The following SH3BP4 variants were observed in gnomAD, a reference collection of about 807,000 sequenced individuals.
The protein encoded by SH3BP4 is SH3 domain-binding protein 4.
SH3BP4 carries 33 observed loss-of-function variants against 65.5 expected under a neutral mutation model. The ratio of observed to expected loss-of-function variants is 0.50; its 90% confidence interval spans 0.38 to 0.67. The LOEUF is 0.67. SH3BP4 is among the 30% of genes least tolerant of loss of function. SH3BP4 has a pLI of 0.00. For synonymous variants in SH3BP4, 552 were observed against 545.5 expected, an observed-to-expected ratio of 1.01 and a Z score of -0.17; for missense variants, 1,134 against 1,261.4, an observed-to-expected ratio of 0.90 and a Z score of 1.53.
Position 234,977,477 on chromosome 2 carries a change from G to A in SH3BP4, c.-206-17826G>A, listed in dbSNP as rs181361115. On this transcript the variant is annotated intron_variant, in intron 1 of 5. Coordinates refer to ENST00000392011, the MANE Select transcript of SH3BP4 (RefSeq NM_014521.3). The surrounding 1 kb of genome is among the most constrained non-coding windows in gnomAD (Gnocchi z 5.1). ...TCAGCTTTTTGCCGAGTGAACTTGAGAACCGGAGCAGAGCTGCAGGGACAA... is the reference window on the plus strand; with the variant it reads ...TCAGCTTTTTGCCGAGTGAACTTGAAAACCGGAGCAGAGCTGCAGGGACAA... 2.3e-3 allele frequency among the ~76,000 whole-genome samples: 352 copies of A among 152,338 alleles called. No homozygotes were observed. The highest frequency in any genetic ancestry group is 8.0e-3 in the African/African-American group (332 of 41,570).
Position 235,003,664 on chromosome 2 carries a change from T to G in SH3BP4, c.-133+8288T>G, listed in dbSNP as rs1055439516. Among the ~76,000 whole-genome samples the G allele has an allele frequency of 6.6e-5, 10 of 152,046 alleles. No individual in the cohort carries two copies. In the South Asian group the frequency reaches 1.7e-3, roughly 25 times the overall value. Reference sequence around the variant, plus strand: ...AGTTTGCTCATCTGTAAAACGGGAGTGAGAAGTTGCAGTTATGGGCGTGTG... The same window carrying G: ...AGTTTGCTCATCTGTAAAACGGGAGGGAGAAGTTGCAGTTATGGGCGTGTG... On this transcript the variant is annotated intron_variant, in intron 2 of 5. Coordinates refer to ENST00000392011, the MANE Select transcript of SH3BP4 (RefSeq NM_014521.3).
intron 2 of SH3BP4, among the ~76,000 whole-genome samples, chr2:235,018,082 A>G (rs1355008339): frequency 6.6e-6 from 1 of 152,150 alleles, no homozygotes; most frequent in African/African-American, 2.4e-5. Context: ...AGGGTCTTGG[A>G]TTACCTGTGT....
intron 4 of SH3BP4, among the ~76,000 whole-genome samples, chr2:235,048,233 C>T (rs940733832): frequency 3.1e-4 from 47 of 152,116 alleles, no homozygotes; most frequent in African/African-American, 1.1e-3. Context: ...CAGAAGGCTT[C>T]CCCTCGAGTT....
At chr2:235,014,309 G>A (rs1359391850) in intron 2 of SH3BP4, among the ~76,000 whole-genome samples, 2 of 152,190 alleles carry the variant, frequency 1.3e-5, no homozygotes, top group Admixed American at 1.3e-4. Flanking sequence ...TTTTGTGGTG[G>A]AGGCCTCGTC....
chr2:234,959,732 A>C (rs897809610), intron 1 of SH3BP4, among the ~76,000 whole-genome samples: 1 of 149,870 alleles, frequency 6.7e-6, no homozygotes. Flanking sequence ...GCTGATTGCA[A>C]CCTCCGCCTC....
chr2:235,018,391 A>G (rs544244165), intron 2 of SH3BP4, among the ~76,000 whole-genome samples: 19 of 152,228 alleles, frequency 1.2e-4, no homozygotes, highest in African/African-American at 4.1e-4. Flanking sequence ...TGCAATAGCC[A>G]GGTTCAGGCC....
rs1692507326 is a variant in SH3BP4, at chr2:234,952,911, G to A, written c.-207+741G>A. ...GGTGTCAGTTGGGACCCCAACCCTG[G>A]GTCCCGCGGCTCCTAGCCCGGGGCC... is the stretch of plus-strand genomic sequence containing the variant. On this transcript the variant is annotated intron_variant, in intron 1 of 5. Transcript: ENST00000392011. This position sits in a 1 kb window ranked among gnomAD's most constrained non-coding sequence, Gnocchi z 6.5. 6.6e-6 allele frequency: 1 copy of A among 152,094 alleles called. No individual in the cohort carries two copies. Among genetic ancestry groups the A allele is most frequent in the Non-Finnish European group, 1.5e-5 (1 of 68,026 alleles). The allele number at this position is 152,094 out of a possible 1,614,324, so 9.4% of individuals were successfully genotyped here.
At chr2:235,039,481 TAA>T (rs61191874) in intron 3 of SH3BP4, among the ~76,000 whole-genome samples, 22 of 142,316 alleles carry the variant, frequency 1.5e-4, no homozygotes, top group African/African-American at 3.6e-4. Flanking sequence ...TTTGGCAACT[TAA>T]AAAAAAAAAA....
chr2:234,984,200 C>CATTTGTTTGTTT (rs1553561813), intron 1 of SH3BP4, among the ~76,000 whole-genome samples: 1 of 151,978 alleles, frequency 6.6e-6, no homozygotes, highest in African/African-American at 2.4e-5. Context: ...TATGAGTTTT[C>CATTTGTTTGTTT]GTTTGTTTGT....
At chr2:235,016,973 A>G (rs1408503668) in intron 2 of SH3BP4, among the ~76,000 whole-genome samples, 1 of 151,506 alleles carries the variant, frequency 6.6e-6, no homozygotes, top group Non-Finnish European at 1.5e-5. Context: ...TACAGGGAAC[A>G]CAGAGAAAAT....
rs571732607 is a variant in SH3BP4, at chr2:235,033,042, G to A, written c.-132-1829G>A. Among the ~76,000 whole-genome samples, 4 of 152,300 alleles carry A rather than the reference G, an allele frequency of 2.6e-5. No homozygotes were observed. Among genetic ancestry groups the A allele is most frequent in the African/African-American group, 9.6e-5 (4 of 41,566 alleles). Reference sequence around the variant, plus strand: ...TGCCCCTCCTTACACTGCTGGGTAGGAGAGACGGCGGGGCTGGGCTCAGGT... The same window carrying A: ...TGCCCCTCCTTACACTGCTGGGTAGAAGAGACGGCGGGGCTGGGCTCAGGT... On this transcript the variant is annotated intron_variant, in intron 2 of 5. Transcript: ENST00000392011. This position sits in a 1 kb window ranked among gnomAD's most constrained non-coding sequence, Gnocchi z 5.7.
At chr2:235,013,627 G>A (rs187054294) in intron 2 of SH3BP4, among the ~76,000 whole-genome samples, 38 of 152,332 alleles carry the variant, frequency 2.5e-4, no homozygotes, top group African/African-American at 7.5e-4. Context: ...CAATGTAACT[G>A]TTGGACTGAG....
rs571910826 is a variant in SH3BP4, at chr2:235,033,221, C to T, written c.-132-1650C>T. Among the ~76,000 whole-genome samples the T allele has an allele frequency of 6.6e-6, 1 of 152,300 alleles. No individual in the cohort carries two copies. Among genetic ancestry groups the T allele is most frequent in the African/African-American group, 2.4e-5 (1 of 41,560 alleles). ...GGCTCATCTCTCACGGTTCCAGAGGCCGGAAGTCAAAAGTCAAGGCTCTGG... is the reference window on the plus strand; with the variant it reads ...GGCTCATCTCTCACGGTTCCAGAGGTCGGAAGTCAAAAGTCAAGGCTCTGG... On this transcript the variant is annotated intron_variant, in intron 2 of 5. Transcript: ENST00000392011. The surrounding 1 kb of genome is among the most constrained non-coding windows in gnomAD (Gnocchi z 5.7).
chr2:235,054,632 A>G lies in SH3BP4; in HGVS notation c.*816A>G, dbSNP rs1432381324. The G allele has an allele frequency of 1.3e-5, 2 of 152,240 alleles. No individual in the cohort carries two copies. The highest frequency in any genetic ancestry group is 4.8e-5 in the African/African-American group (2 of 41,466). 9.4% of individuals were successfully genotyped at this position (152,240 alleles called of 1,614,324 possible). A position where few individuals can be genotyped will look rare whatever the true frequency, so the allele number is the denominator to read the frequency against. On this transcript the variant is annotated 3_prime_UTR_variant, in exon 6 of 6. Coordinates refer to ENST00000392011, the MANE Select transcript of SH3BP4 (RefSeq NM_014521.3). ...TGTGCAATTAGTCATTGACAAGAAC[A>G]ATGCCATTTGAGAGTGAGGTGGTCC... is the stretch of plus-strand genomic sequence containing the variant.
intron 2 of SH3BP4, among the ~76,000 whole-genome samples, chr2:234,999,828 T>C (rs890471502): frequency 8.5e-5 from 13 of 152,212 alleles, no homozygotes; most frequent in Admixed American, 3.3e-4. Context: ...AATTAGACTT[T>C]CCTCTCACCT....
At chr2:234,995,463 C>G (rs1217247842) in intron 2 of SH3BP4, 87 bp downstream of exon 2, 2 of 152,282 alleles carry the variant, frequency 1.3e-5, no homozygotes, top group Non-Finnish European at 2.9e-5. Flanking sequence ...CTCATGGGGA[C>G]ACAGGCCCCA....
intron 1 of SH3BP4, among the ~76,000 whole-genome samples, chr2:234,981,384 C>T (rs934542247): frequency 6.6e-6 from 1 of 152,150 alleles, no homozygotes; most frequent in African/African-American, 2.4e-5. Flanking sequence ...ATTCCAACCT[C>T]TTAGTCACTT....
intron 1 of SH3BP4, among the ~76,000 whole-genome samples, chr2:234,963,165 T>C (rs1692754910): frequency 6.6e-6 from 1 of 152,230 alleles, no homozygotes; most frequent in Non-Finnish European, 1.5e-5. Context: ...ACAGGTACAG[T>C]ACCCTGTTTG....
intron 1 of SH3BP4, among the ~76,000 whole-genome samples, chr2:234,993,398 G>A (rs143085758): frequency 4.6e-5 from 7 of 152,290 alleles, no homozygotes; most frequent in East Asian, 1.9e-4. Context: ...CAGCAGTGCC[G>A]GTGCCTGCCT....
Sources: gnomAD v4.1 joint callset for allele counts (sites outside exome capture counted in the v4.1 genomes callset) on GRCh38, gnomAD v4.1.1 for gene constraint, Gnocchi (gnomAD v3.1) non-coding constraint, MANE v1.5 for transcripts, NCBI Gene and HGNC (gene_info 2026-07-23, HGNC 2026-07-21) for gene names.